Variants in COLQ observed in about 807,000 individuals in gnomAD.
COLQ encodes the protein collagen like tail subunit of asymmetric acetylcholinesterase, also known as acetylcholinesterase collagenic tail peptide.
COLQ carries 48 observed loss-of-function variants against 69.0 expected under a neutral mutation model. The observed-to-expected ratio is 0.70, with a 90% CI of 0.55 to 0.88. The LOEUF is 0.88. COLQ is among the 40% of genes least tolerant of loss of function. The pLI is 0.00. For synonymous variants in COLQ, 217 were observed against 211.2 expected, an observed-to-expected ratio of 1.03 and a Z score of -0.24; for missense variants, 618 against 594.6, an observed-to-expected ratio of 1.04 and a Z score of -0.41.
At chr3:15,496,262 G>C (rs1350334343) in intron 1 of COLQ, 1 of 154,352 alleles carries the variant, frequency 6.5e-6, no homozygotes, top group Non-Finnish European at 1.5e-5. Context: ...CCCAGCAGGG[G>C]AAGGCCATCT....
intron 6 of COLQ, among the ~76,000 whole-genome samples, chr3:15,476,768 C>T (rs533321147): frequency 2.0e-4 from 30 of 152,346 alleles, no homozygotes; most frequent in African/African-American, 6.7e-4. Flanking sequence ...TCTCCATTCC[C>T]TGCCAGGTCA....
At chr3:15,458,351 A>AACACAG in intron 12 of COLQ, 26 bp from the exon 13 acceptor site, 2 of 1,613,994 alleles carry the variant, frequency 1.2e-6, no homozygotes, top group Non-Finnish European at 1.7e-6. Flanking sequence ...CTGCTGTGTT[A>AACACAG]CTAGAGCCAA....
chr3:15,515,563 A>T (rs2125187459), intron 1 of COLQ, among the ~76,000 whole-genome samples: 1 of 152,340 alleles, frequency 6.6e-6, no homozygotes, highest in East Asian at 1.9e-4. Flanking sequence ...TAATCCCAGC[A>T]CTTTGGGAGG....
rs1159108680 is a variant in COLQ at position 15,488,421 on chromosome 3, G to A, written c.220-114C>T. 9.6e-6 allele frequency: 8 copies of A among 833,708 alleles called. No homozygotes were observed. The East Asian group carries it at 1.6e-4, about 17-fold the overall frequency. The allele number at this position is 833,708 out of a possible 1,614,324, so 51.6% of individuals were successfully genotyped here. A position where few individuals can be genotyped will look rare whatever the true frequency, so the allele number is the denominator to read the frequency against. ...AGGTCTCTAAGCCTGGCAGTTCCCT[G>A]ACACCCCAATGACTGCCCCAAGAAG... On this transcript the variant is annotated intron_variant, in intron 2 of 16. Coordinates refer to ENST00000383788, the MANE Select transcript of COLQ (RefSeq NM_005677.4).
intron 1 of COLQ, among the ~76,000 whole-genome samples, chr3:15,521,247 A>G (rs548176794): frequency 8.0e-4 from 122 of 152,350 alleles, no homozygotes; most frequent in African/African-American, 2.8e-3. Flanking sequence ...AGATGAAATC[A>G]TGCAGCAAAT....
Position 15,458,231 on chromosome 3 carries a change from G to C in COLQ, c.909C>G (p.Ser303=), listed in dbSNP as rs766821521. ...TGGGCCCATACACAGATTCCCCGTAGGAAGGGTTATTCACATTCATAGTGG... is the reference window on the plus strand; with the variant it reads ...TGGGCCCATACACAGATTCCCCGTACGAAGGGTTATTCACATTCATAGTGG... ...CGPTMNVNNP[S]YGESVYGPSS... Residue 303 remains serine, a synonymous_variant, in exon 13 of 17, where the codon TCC becomes TCG. Transcript: ENST00000383788. 2.5e-6 allele frequency: 4 copies of C among 1,614,018 alleles called. No homozygotes were observed. The highest frequency in any genetic ancestry group is 1.7e-5 in the Admixed American group (1 of 60,000).
intron 1 of COLQ, among the ~76,000 whole-genome samples, chr3:15,519,206 A>G (rs957692812): frequency 6.6e-6 from 1 of 151,870 alleles, no homozygotes; most frequent in Non-Finnish European, 1.5e-5. Context: ...CCTAATGTCT[A>G]ATGACCACAT....
At chr3:15,453,635 C>A (rs1575460091) in intron 16 of COLQ, among the ~76,000 whole-genome samples, 194 bp downstream of exon 16, 1 of 152,178 alleles carries the variant, frequency 6.6e-6, no homozygotes, top group East Asian at 1.9e-4. Flanking sequence ...GTCTCAGTGG[C>A]ACGCAGGCAG....
chr3:15,464,972 CAG>C (rs2125100815), intron 12 of COLQ, among the ~76,000 whole-genome samples: 1 of 152,170 alleles, frequency 6.6e-6, no homozygotes, highest in African/African-American at 2.4e-5. Flanking sequence ...TCCGGAGTTC[CAG>C]ACCAGCCTGA....
intron 8 of COLQ, 80 bp from the exon 9 acceptor site, chr3:15,474,352 C>G: frequency 6.9e-7 from 1 of 1,445,540 alleles, no homozygotes; most frequent in Non-Finnish European, 9.7e-7. Flanking sequence ...GAAAAGCTCC[C>G]TAAACCAAAA....
intron 10 of COLQ, among the ~76,000 whole-genome samples, chr3:15,472,948 C>G (rs1393314603): frequency 1.3e-5 from 2 of 150,862 alleles, no homozygotes; most frequent in African/African-American, 4.9e-5. Flanking sequence ...CAGCCTCAAT[C>G]ACCTGGGCTC....
At chr3:15,472,708 C>T (rs565884019) in intron 10 of COLQ, among the ~76,000 whole-genome samples, 2 of 152,190 alleles carry the variant, frequency 1.3e-5, no homozygotes, top group Admixed American at 1.3e-4. Context: ...TCTTCTTCCC[C>T]AACCCTAACC....
At chr3:15,486,517 CA>C (rs2062577715) in intron 3 of COLQ, among the ~76,000 whole-genome samples, 1 of 152,174 alleles carries the variant, frequency 6.6e-6, no homozygotes. Context: ...TGTGTGTGAC[CA>C]GAGAGCCACT....
At chr3:15,503,063 G>C (rs777651463) in intron 1 of COLQ, among the ~76,000 whole-genome samples, 2 of 152,166 alleles carry the variant, frequency 1.3e-5, no homozygotes, top group Non-Finnish European at 2.9e-5. Context: ...CCTAGGAGGA[G>C]GTGACCTCCT....
chr3:15,486,136 A>G (rs2062569568), intron 3 of COLQ, among the ~76,000 whole-genome samples: 1 of 152,116 alleles, frequency 6.6e-6, no homozygotes, highest in South Asian at 2.1e-4. Flanking sequence ...TTTCATTCCA[A>G]TCTCTTGATT....
At chr3:15,492,462 C>T (rs1278294462) in intron 1 of COLQ, among the ~76,000 whole-genome samples, 4 of 152,072 alleles carry the variant, frequency 2.6e-5, no homozygotes, top group African/African-American at 9.7e-5. Flanking sequence ...GTCAGGAGAT[C>T]GAGACCATCC....
Position 15,474,255 on chromosome 3 carries a change from C to G in COLQ, c.573G>C (p.Lys191Asn). ...SRGEKGSRGE[K>N]GDLGPKGEKG... ...TTTCTCCTTTGGGACCCAGGTCACC[C>G]TTTTCACCTCTGGATCCCTAGGAAG... Residue 191 changes from lysine to asparagine, a missense_variant, in exon 9 of 17, where the codon AAG becomes AAC. Transcript: ENST00000383788. 1.9e-6 allele frequency: 3 copies of G among 1,613,998 alleles called. No homozygotes were observed.
chr3:15,471,274 G>A (rs2062282078), intron 10 of COLQ, among the ~76,000 whole-genome samples: 1 of 152,174 alleles, frequency 6.6e-6, no homozygotes, highest in Non-Finnish European at 1.5e-5. Context: ...ATTGAAAAAG[G>A]CATGGAGAAC....
chr3:15,479,591 C>G lies in COLQ; in HGVS notation c.322-209G>C, dbSNP rs2062441297. Among the ~76,000 whole-genome samples the G allele has an allele frequency of 2.0e-5, 3 of 152,122 alleles. No individual in the cohort carries two copies. The South Asian group carries it at 6.2e-4, about 32-fold the overall frequency. Reference sequence around the variant, plus strand: ...TTTAGCTTTCTCTGAGCTGGTTTTCCAGTGGCTCCATGGTTGCAATGCTTA... The same window carrying G: ...TTTAGCTTTCTCTGAGCTGGTTTTCGAGTGGCTCCATGGTTGCAATGCTTA... On this transcript the variant is annotated intron_variant, in intron 3 of 16. Coordinates refer to ENST00000383788, the MANE Select transcript of COLQ (RefSeq NM_005677.4).
Sources: gnomAD v4.1 joint callset for allele counts (sites outside exome capture counted in the v4.1 genomes callset) on GRCh38, gnomAD v4.1.1 for gene constraint, MANE v1.5 for transcripts, NCBI Gene and HGNC (gene_info 2026-07-23, HGNC 2026-07-21) for gene names.